ZNF587: variants seen among roughly 807,000 people sequenced by gnomAD.
The protein encoded by ZNF587 is zinc finger protein 587, also known as zinc finger protein zfp6.
ZNF587 carries 8 observed loss-of-function variants against 7.5 expected under a neutral mutation model. That is an observed-to-expected ratio of 1.06 (90% CI 0.62 to 1.92). The LOEUF is 1.92. Ranked by LOEUF, ZNF587 falls within the 40% of genes most tolerant of loss-of-function variation. ZNF587 has a pLI of 0.00. For missense variants in ZNF587, 468 were observed against 692.8 expected, an observed-to-expected ratio of 0.68 and a Z score of 3.64; for synonymous variants, 145 against 237.8, an observed-to-expected ratio of 0.61 and a Z score of 3.59.
intron 1 of ZNF587, among the ~76,000 whole-genome samples, chr19:57,855,054 G>T (rs1312222663): frequency 2.0e-5 from 3 of 151,974 alleles, no homozygotes; most frequent in East Asian, 3.9e-4. Flanking sequence ...TGTGGTGGTG[G>T]GCACCTGTAG....
At position 57,860,454 on chromosome 19, in the gene ZNF587, A is replaced by T; in HGVS notation, c.*314A>T. 2.5e-6 allele frequency: 1 copy of T among 401,658 alleles called. No homozygotes were observed. The highest frequency in any genetic ancestry group is 4.6e-6 in the Non-Finnish European group (1 of 219,372). 24.9% of individuals were successfully genotyped at this position (401,658 alleles called of 1,614,324 possible). ...CAGCTAATTTTTGTGTTTTTAGTGG[A>T]GATGGGGTTTTACCATGTTGGCCAG... On this transcript the variant is annotated 3_prime_UTR_variant, in exon 3 of 3. Transcript: ENST00000339656.
intron 2 of ZNF587, among the ~76,000 whole-genome samples, 194 bp downstream of exon 2, chr19:57,856,427 A>C (rs1328463054): frequency 7.0e-6 from 1 of 142,986 alleles, no homozygotes; most frequent in Non-Finnish European, 1.5e-5. Flanking sequence ...TTTTTTTCTG[A>C]GACAGTGTCT....
intron 2 of ZNF587, 88 bp downstream of exon 2, chr19:57,856,321 G>A: frequency 1.3e-6 from 2 of 1,517,972 alleles, no homozygotes; most frequent in Non-Finnish European, 1.8e-6. Flanking sequence ...CTCACCTAAG[G>A]AGCCTGGACA....
chr19:57,850,455 G>A, intron 1 of ZNF587: 1 of 502,692 alleles, frequency 2.0e-6, no homozygotes, highest in Non-Finnish European at 3.5e-6. Flanking sequence ...TTCATAGGGG[G>A]TTAAAGTGAG....
rs2071415771 is a variant in ZNF587, at chr19:57,860,110, T to C, written c.1698T>C (p.His566=). 1 of 1,612,638 alleles carries C rather than the reference T, an allele frequency of 6.2e-7. No individual in the cohort carries two copies. Among genetic ancestry groups the C allele is most frequent in the Non-Finnish European group, 8.5e-7 (1 of 1,179,270 alleles). The part of the protein sequence containing the change: ...TFQRSSTLLH[H]QSSHRRKAL ...AGCGAAGCTCTACCCTCCTTCATCA[T>C]CAGAGTTCACACAGGAGAAAGGCCT... The change falls in exon 3 of 3, where the codon CAT becomes CAC. Residue 566 remains histidine, a synonymous_variant. Transcript: ENST00000339656.
intron 2 of ZNF587, chr19:57,858,120 A>AT (rs2071386990): frequency 6.9e-6 from 1 of 145,404 alleles, no homozygotes; most frequent in African/African-American, 2.9e-5. Flanking sequence ...AAGAAGCCCC[A>AT]TCTTTTTTTT....
At position 57,860,062 on chromosome 19, in the gene ZNF587, C is replaced by A; in HGVS notation, c.1650C>A (p.Cys550Ter). The A allele has an allele frequency of 1.9e-6, 3 of 1,613,382 alleles. No homozygotes were observed. Among genetic ancestry groups the A allele is most frequent in the Non-Finnish European group, 2.5e-6 (3 of 1,179,456 alleles). Residue 550 changes from cysteine to a stop codon, truncating the protein, a stop_gained, in exon 3 of 3, where the codon TGC (cysteine) becomes TGA (stop). Transcript: ENST00000339656. LOFTEE classifies it low-confidence loss of function (END_TRUNC). ...ACACTGGAGAAAGGCCTTATGAATG[C>A]ACCAAATGTGGAAAAACATTTCAGC... ...RIHTGERPYE[C>*]TKCGKTFQRS...
rs934503212 is a variant in ZNF587, at chr19:57,864,340, G to A, written c.*4200G>A. 4 of 151,594 alleles carry A rather than the reference G, an allele frequency of 2.6e-5. No individual in the cohort carries two copies. The highest frequency in any genetic ancestry group is 5.9e-5 in the Non-Finnish European group (4 of 67,990). 9.4% of individuals were successfully genotyped at this position (151,594 alleles called of 1,614,324 possible). ...GTAGAGATGGGCTTTCACTACGTTA[G>A]CCAGGCTGGTCTCAAACTCCTGACC... On this transcript the variant is annotated 3_prime_UTR_variant, in exon 3 of 3. Transcript: ENST00000339656.
chr19:57,860,274 G>T lies in ZNF587; in HGVS notation c.*134G>T. ...GAATGTCTGCTGTCCTCGGTCTTAA[G>T]CGACTTCGTGTTGAGATGGAGTCTT... On this transcript the variant is annotated 3_prime_UTR_variant, in exon 3 of 3. Coordinates refer to ENST00000339656, the MANE Select transcript of ZNF587 (RefSeq NM_032828.4). The T allele has an allele frequency of 6.6e-7, 1 of 1,526,092 alleles. No individual in the cohort carries two copies. Among genetic ancestry groups the T allele is most frequent in the Non-Finnish European group, 8.9e-7 (1 of 1,118,604 alleles). The allele number at this position is 1,526,092 out of a possible 1,614,324, so 94.5% of individuals were successfully genotyped here.
rs754544749 is a variant in ZNF587 at position 57,860,281 on chromosome 19, C to T, written c.*141C>T. Reference sequence around the variant, plus strand: ...TGCTGTCCTCGGTCTTAAGCGACTTCGTGTTGAGATGGAGTCTTGTTCTGT... The same window carrying T: ...TGCTGTCCTCGGTCTTAAGCGACTTTGTGTTGAGATGGAGTCTTGTTCTGT... On this transcript the variant is annotated 3_prime_UTR_variant, in exon 3 of 3. Coordinates refer to ENST00000339656, the MANE Select transcript of ZNF587 (RefSeq NM_032828.4). The T allele has an allele frequency of 2.2e-5, 33 of 1,497,930 alleles. No individual in the cohort carries two copies. The highest frequency in any genetic ancestry group is 7.5e-5 in the Admixed American group (4 of 53,388). 92.8% of individuals were successfully genotyped at this position (1,497,930 alleles called of 1,614,324 possible).
Position 57,858,930 on chromosome 19 carries a change from G to A in ZNF587, c.518G>A (p.Arg173His), listed in dbSNP as rs144186084. The change falls in exon 3 of 3, where the codon CGC becomes CAC. Residue 173 changes from arginine to histidine, a missense_variant. This residue lies in a region of ZNF587 where 23 missense variants were observed against 166.4 expected (regional missense o/e 0.14). Coordinates refer to ENST00000339656, the MANE Select transcript of ZNF587 (RefSeq NM_032828.4). Reference protein sequence around the residue: ...LRVSQEPFVFREFGKDVLPSS... With the variant: ...LRVSQEPFVFHEFGKDVLPSS... ...GTGTCACAGGAGCCATTTGTCTTCCGCGAGTTTGGGAAGGACGTTCTGCCC... is the reference window on the plus strand; with the variant it reads ...GTGTCACAGGAGCCATTTGTCTTCCACGAGTTTGGGAAGGACGTTCTGCCC... 6.7e-3 allele frequency: 10,749 copies of A among 1,608,244 alleles called. 78 individuals carry two copies. The African/African-American group carries it at 0.092, about 14-fold the overall frequency.
In ZNF587 at chr19:57,859,319, A is replaced by T. The variant is rs200894283; in HGVS notation, c.907A>T (p.Lys303Ter). The change falls in exon 3 of 3, where the codon AAA becomes TAA. Residue 303 changes from lysine to a stop codon, truncating the protein, a stop_gained. Coordinates refer to ENST00000339656, the MANE Select transcript of ZNF587 (RefSeq NM_032828.4). LOFTEE classifies it low-confidence loss of function (END_TRUNC). The stretch of plus-strand genomic sequence containing the variant: ...AGCTTATCCCTGTGAGGAGTGCGGG[A>T]AATCTTTTAGTCAGAAGGGCAGCCT... ...QTAYPCEECG[K>*]SFSQKGSLIS... is the part of the protein sequence containing the mutation. 1.1e-3 allele frequency: 1,744 copies of T among 1,594,872 alleles called. 15 individuals carry two copies. The highest frequency in any genetic ancestry group is 5.3e-3 in the Middle Eastern group (32 of 6,024).
In ZNF587 at chr19:57,864,720, G is replaced by T. The variant is rs971593705; in HGVS notation, c.*4580G>T. 2.6e-5 allele frequency: 4 copies of T among 151,972 alleles called. No homozygotes were observed. The highest frequency in any genetic ancestry group is 6.6e-5 in the Admixed American group (1 of 15,210). 9.4% of individuals were successfully genotyped at this position (151,972 alleles called of 1,614,324 possible). A position where few individuals can be genotyped will look rare whatever the true frequency, so the allele number is the denominator to read the frequency against. On this transcript the variant is annotated 3_prime_UTR_variant, in exon 3 of 3. Transcript: ENST00000339656. ...CAATGATATCTAGAAGTTTAAAAGG[G>T]CTCGTTCAAACAAATTATGACCACA...
At position 57,862,571 on chromosome 19, in the gene ZNF587, G is replaced by GAAGAATCCCATA. The variant is rs2071446904; in HGVS notation, c.*2431_*2432insAAGAATCCCATA. 1 of 154,748 alleles carries GAAGAATCCCATA rather than the reference G, an allele frequency of 6.5e-6. No homozygotes were observed. Among genetic ancestry groups the GAAGAATCCCATA allele is most frequent in the Non-Finnish European group, 1.5e-5 (1 of 68,220 alleles). 9.6% of individuals were successfully genotyped at this position (154,748 alleles called of 1,614,324 possible). A position where few individuals can be genotyped will look rare whatever the true frequency, so the allele number is the denominator to read the frequency against. ...GAAATGGCAGTTTCTTCTCAGCAAG[G>GAAGAATCCCATA]TGAGATTATGGAATCCAGAATCTTT... On this transcript the variant is annotated 3_prime_UTR_variant, in exon 3 of 3. Transcript: ENST00000339656.
At chr19:57,854,387 T>C (rs145556982) in intron 1 of ZNF587, among the ~76,000 whole-genome samples, 19 of 152,132 alleles carry the variant, frequency 1.2e-4, no homozygotes, top group African/African-American at 4.6e-4. Flanking sequence ...TTGTAAACCA[T>C]GGAAATTCTG....
chr19:57,852,285 A>G, intron 1 of ZNF587: 1 of 398,548 alleles, frequency 2.5e-6, no homozygotes, highest in Non-Finnish European at 4.4e-6. Flanking sequence ...ATTTGCTACC[A>G]GGTTGTGAAA....
chr19:57,858,872 G>A lies in ZNF587; in HGVS notation c.460G>A (p.Glu154Lys). 1 of 1,609,366 alleles carries A rather than the reference G, an allele frequency of 6.2e-7. No individual in the cohort carries two copies. Among genetic ancestry groups the A allele is most frequent in the South Asian group, 1.1e-5 (1 of 90,812 alleles). ...GEKFYRKSVR[E>K]ASFVKKRKLR... ...GAAATTCTACAGAAAGAGTGTCAGA[G>A]AAGCATCGTTTGTAAAGAAACGTAA... Residue 154 changes from glutamate to lysine, a missense_variant, in exon 3 of 3, where the codon GAA (glutamate) becomes AAA (lysine). This residue lies in a region of ZNF587 where 23 missense variants were observed against 166.4 expected (regional missense o/e 0.14). Transcript: ENST00000339656.
chr19:57,857,590 A>T (rs1268964537), intron 2 of ZNF587, among the ~76,000 whole-genome samples: 2 of 151,548 alleles, frequency 1.3e-5, no homozygotes, highest in Non-Finnish European at 2.9e-5. Context: ...ATATATATAT[A>T]GATGTATATA....
chr19:57,855,595 TC>T (rs2071343966), intron 1 of ZNF587, among the ~76,000 whole-genome samples: 1 of 148,416 alleles, frequency 6.7e-6, no homozygotes. Flanking sequence ...GGTGTCTCGC[TC>T]TGTTGGCCAG....
Sources: gnomAD v4.1 joint callset for allele counts (sites outside exome capture counted in the v4.1 genomes callset) on GRCh38, gnomAD v4.1.1 for gene constraint, gnomAD v4.1.1 regional missense constraint, MANE v1.5 for transcripts, NCBI Gene and HGNC (gene_info 2026-07-23, HGNC 2026-07-21) for gene names.